The following GTF2H1 variants were observed in gnomAD, a reference collection of about 807,000 sequenced individuals.
GTF2H1 encodes BTF2 p62.
In GTF2H1, 16 loss-of-function variants were observed where a neutral mutation model predicts 71.2. The ratio of observed to expected loss-of-function variants is 0.22; its 90% CI spans 0.15 to 0.34. The LOEUF is 0.34. GTF2H1 is among the 10% of genes least tolerant of loss of function. The pLI is 1.00. For missense variants in GTF2H1, 498 were observed against 648.2 expected (o/e 0.77, Z 2.52); for synonymous variants, 215 against 219.0 (o/e 0.98, Z 0.16).
intron 1 of GTF2H1, among the ~76,000 whole-genome samples, chr11:18,332,461 A>G (rs148087361): frequency 2.6e-5 from 4 of 152,352 alleles, no homozygotes; most frequent in African/African-American, 9.6e-5. Flanking sequence ...CTAGTTAGGC[A>G]TTATACCAAT....
chr11:18,351,579 A>C (rs1344300841), intron 9 of GTF2H1: 2 of 175,180 alleles, frequency 1.1e-5, no homozygotes, highest in African/African-American at 4.7e-5. Context: ...AAAATAGTGG[A>C]GAGCATAACA....
intron 7 of GTF2H1, chr11:18,347,247 G>A (rs1055023156): frequency 5.9e-6 from 1 of 168,636 alleles, no homozygotes; most frequent in South Asian, 1.5e-4. Flanking sequence ...GGTGGCAGGC[G>A]CCTGTAATCC....
At chr11:18,345,647 C>T (rs1865273779) in intron 7 of GTF2H1, among the ~76,000 whole-genome samples, 1 of 152,046 alleles carries the variant, frequency 6.6e-6, no homozygotes, top group African/African-American at 2.4e-5. Flanking sequence ...CATAGGCACA[C>T]ACCACGCCCA....
In GTF2H1 at chr11:18,351,878, T is replaced by C. The variant is rs772591478; in HGVS notation, c.1054-3T>C. 15 of 1,455,770 alleles carry C rather than the reference T, an allele frequency of 1.0e-5. No homozygotes were observed. The Admixed American group carries it at 1.7e-4, about 17-fold the overall frequency. 90.2% of individuals were successfully genotyped at this position (1,455,770 alleles called of 1,614,324 possible). A position where few individuals can be genotyped will look rare whatever the true frequency, so the allele number is the denominator to read the frequency against. On this transcript the variant is annotated splice_region_variant and splice_polypyrimidine_tract_variant and intron_variant, in intron 9 of 14. Transcript: ENST00000265963. ...ATAAAAAGTACTGTGTTAATAATTA[T>C]AGGCGAAATTACAAGAGTCCATTGA...
At chr11:18,332,973 A>G (rs1864935579) in intron 1 of GTF2H1, 87 bp from the exon 2 acceptor site, 3 of 807,340 alleles carry the variant, frequency 3.7e-6, no homozygotes, top group Non-Finnish European at 5.5e-6. Flanking sequence ...TAGATTTTAT[A>G]TTTGAAAGGG....
intron 7 of GTF2H1, among the ~76,000 whole-genome samples, chr11:18,343,634 A>G (rs1429296126): frequency 1.3e-5 from 2 of 152,202 alleles, no homozygotes; most frequent in Non-Finnish European, 2.9e-5. Context: ...CTGAATAACC[A>G]TAGTCTGTCT....
chr11:18,350,981 T>TA (rs1301525657), intron 9 of GTF2H1, among the ~76,000 whole-genome samples: 3 of 152,214 alleles, frequency 2.0e-5, no homozygotes, highest in African/African-American at 7.2e-5. Context: ...ATATGTATGA[T>TA]ACACATGACA....
chr11:18,329,135 A>T (rs1353209248), intron 1 of GTF2H1, among the ~76,000 whole-genome samples: 1 of 151,356 alleles, frequency 6.6e-6, no homozygotes, highest in Non-Finnish European at 1.5e-5. Context: ...AGATAAGGTA[A>T]GCACAATTAA....
chr11:18,333,481 A>G (rs1243205613), intron 2 of GTF2H1: 6 of 272,726 alleles, frequency 2.2e-5, no homozygotes, highest in Non-Finnish European at 3.4e-5. Flanking sequence ...GTTGCATAAT[A>G]CTCCACTAAA....
chr11:18,336,369 C>T (rs1014633870), intron 3 of GTF2H1, among the ~76,000 whole-genome samples: 1 of 152,042 alleles, frequency 6.6e-6, no homozygotes, highest in Non-Finnish European at 1.5e-5. Context: ...CGCCAGTGAT[C>T]CACCCACCTC....
chr11:18,356,429 T>G (rs1330845196), intron 11 of GTF2H1, among the ~76,000 whole-genome samples: 2 of 151,588 alleles, frequency 1.3e-5, no homozygotes, highest in Non-Finnish European at 2.9e-5. Context: ...TGGGGTGTCA[T>G]TGTCCCTTCA....
At chr11:18,358,475 G>A in intron 12 of GTF2H1, 50 bp from the exon 13 acceptor site, 1 of 1,047,728 alleles carries the variant, frequency 9.5e-7, no homozygotes, top group Non-Finnish European at 1.5e-6. Flanking sequence ...TTTCGAGACT[G>A]TATATGTTAA....
chr11:18,331,946 A>G (rs1481065910), intron 1 of GTF2H1, among the ~76,000 whole-genome samples: 2 of 152,050 alleles, frequency 1.3e-5, no homozygotes, highest in African/African-American at 4.8e-5. Flanking sequence ...TGCCGCCTCA[A>G]ACTCCTGGGC....
At chr11:18,330,219 C>T (rs1195462508) in intron 1 of GTF2H1, among the ~76,000 whole-genome samples, 2 of 152,136 alleles carry the variant, frequency 1.3e-5, no homozygotes, top group African/African-American at 2.4e-5. Context: ...AAGAAACTGC[C>T]TCTTGAGTCC....
chr11:18,337,715 A>G (rs1266521834), intron 3 of GTF2H1, among the ~76,000 whole-genome samples: 3 of 152,192 alleles, frequency 2.0e-5, no homozygotes, highest in Non-Finnish European at 1.5e-5. Flanking sequence ...AGATTTAAGT[A>G]TATGGGAGGA....
chr11:18,356,469 A>G (rs1442591622), intron 11 of GTF2H1, among the ~76,000 whole-genome samples: 2 of 152,076 alleles, frequency 1.3e-5, no homozygotes, highest in African/African-American at 4.8e-5. Flanking sequence ...ATATGTGTAC[A>G]TAAATGCACA....
At chr11:18,355,337 G>C (rs963241408) in intron 11 of GTF2H1, among the ~76,000 whole-genome samples, 1 of 151,030 alleles carries the variant, frequency 6.6e-6, no homozygotes, top group African/African-American at 2.4e-5. Flanking sequence ...TAGCAACGGG[G>C]TTTCACCGTG....
At position 18,347,927 on chromosome 11, in the gene GTF2H1, C is replaced by CA. The variant is rs759099272; in HGVS notation, c.1053+15dup. ...CAGCCAGCAGTCAAAAGGGTATGGG[C>CA]AAAAAAATATGAACCATTTGGGGCT... On this transcript the variant is annotated intron_variant, in intron 9 of 14. Coordinates refer to ENST00000265963, the MANE Select transcript of GTF2H1 (RefSeq NM_005316.4). 8 of 1,590,402 alleles carry CA rather than the reference C, an allele frequency of 5.0e-6. No homozygotes were observed. Among genetic ancestry groups the CA allele is most frequent in the South Asian group, 4.4e-5 (4 of 90,536 alleles).
chr11:18,365,273 G>T (rs928908638), intron 14 of GTF2H1, among the ~76,000 whole-genome samples: 1 of 152,042 alleles, frequency 6.6e-6, no homozygotes, highest in Non-Finnish European at 1.5e-5. Flanking sequence ...AGCTACTCGG[G>T]AGTCTGAGAC....
Sources: gnomAD v4.1 joint callset for allele counts (sites outside exome capture counted in the v4.1 genomes callset) on GRCh38, gnomAD v4.1.1 for gene constraint, MANE v1.5 for transcripts, NCBI Gene and HGNC (gene_info 2026-07-23, HGNC 2026-07-21) for gene names.